The following PLPPR1 variants were observed in gnomAD, a reference collection of about 807,000 sequenced individuals.
The protein encoded by PLPPR1 is phospholipid phosphatase related 1.
In PLPPR1, 10 loss-of-function variants were observed where a neutral mutation model predicts 33.1. The observed-to-expected ratio is 0.30, with a 90% CI of 0.19 to 0.51. PLPPR1 has a LOEUF of 0.51. Ranked by LOEUF, PLPPR1 falls within the 20% of genes least tolerant of loss-of-function variation. The probability of loss-of-function intolerance (pLI) is 0.97; values close to 1 mark genes in which losing one functional copy is unlikely to be tolerated. For missense variants in PLPPR1, 304 were observed against 408.1 expected (o/e 0.74, Z 2.20); for synonymous variants, 151 against 151.0 (o/e 1.00, Z 0.00).
intron 2 of PLPPR1, among the ~76,000 whole-genome samples, chr9:101,230,381 A>T (rs190963752): frequency 2.0e-5 from 3 of 152,164 alleles, no homozygotes; most frequent in Non-Finnish European, 4.4e-5. Context: ...CCGTAAGGGC[A>T]TAAACCCTGG....
intron 2 of PLPPR1, among the ~76,000 whole-genome samples, chr9:101,209,632 GT>G (rs1377117336): frequency 6.6e-6 from 1 of 152,146 alleles, no homozygotes; most frequent in Admixed American, 6.5e-5. Context: ...GATGAATAGG[GT>G]AAAACCTGCA....
At chr9:101,243,592 GAGGAGCCTTC>G (rs763695751) in intron 2 of PLPPR1, among the ~76,000 whole-genome samples, 172 of 152,138 alleles carry the variant, frequency 1.1e-3, no homozygotes, top group Non-Finnish European at 1.6e-3. Context: ...AGTACTGTGA[GAGGAGCCTTC>G]AGGAGGTGGA....
chr9:101,272,203 G>C (rs1308150710), intron 3 of PLPPR1, among the ~76,000 whole-genome samples: 2 of 152,086 alleles, frequency 1.3e-5, no homozygotes, highest in Non-Finnish European at 2.9e-5. Context: ...CTGAATATAT[G>C]AATGCCAACA....
Position 101,222,777 on chromosome 9 carries a change from C to T in PLPPR1, c.63+37220C>T, listed in dbSNP as rs141900156. ...TGTTGGTGTACAATAGTGTCGGTCA[C>T]GACATTCTAAAAATAGAATTTGTGT... On this transcript the variant is annotated intron_variant, in intron 2 of 7. Coordinates refer to ENST00000374874, the MANE Select transcript of PLPPR1 (RefSeq NM_207299.2). Among the ~76,000 whole-genome samples, 684 of 152,150 alleles carry T rather than the reference C, an allele frequency of 4.5e-3. 5 individuals carry two copies. Among genetic ancestry groups the T allele is most frequent in the African/African-American group, 0.016 (668 of 41,526 alleles).
At chr9:101,140,706 TA>T (rs1468571985) in intron 1 of PLPPR1, among the ~76,000 whole-genome samples, 6 of 152,162 alleles carry the variant, frequency 3.9e-5, no homozygotes, top group African/African-American at 1.4e-4. Flanking sequence ...GATAAAAAGA[TA>T]ATAACCAATT....
intron 1 of PLPPR1, among the ~76,000 whole-genome samples, chr9:101,180,139 TATATACACACACAC>T (rs1564167609): frequency 5.0e-3 from 185 of 37,350 alleles, no homozygotes; most frequent in Non-Finnish European, 6.5e-3. Context: ...TATATATATA[TATATACACACACAC>T]ACACACACAT....
At position 101,078,178 on chromosome 9, in the gene PLPPR1, A is replaced by G. The variant is rs868856225; in HGVS notation, c.-46+49076A>G. Among the ~76,000 whole-genome samples, 29 of 20,762 alleles carry G rather than the reference A, an allele frequency of 1.4e-3. 1 individual carries two copies. Among genetic ancestry groups the G allele is most frequent in the African/African-American group, 6.2e-3 (27 of 4,362 alleles). 13.6% of individuals were successfully genotyped at this position (20,762 alleles called of 152,430 possible). A position where few individuals can be genotyped will look rare whatever the true frequency, so the allele number is the denominator to read the frequency against. ...AAGAAGAAGAAGAAGAAGAAGAAGA[A>G]GAAGAAGAGGAGGGGGGGAGGGGGA... On this transcript the variant is annotated intron_variant, in intron 1 of 7. Coordinates refer to ENST00000374874, the MANE Select transcript of PLPPR1 (RefSeq NM_207299.2).
chr9:101,064,433 A>G (rs1227391144), intron 1 of PLPPR1, among the ~76,000 whole-genome samples: 1 of 152,106 alleles, frequency 6.6e-6, no homozygotes, highest in Non-Finnish European at 1.5e-5. Context: ...GTTATGGTCA[A>G]ATATTTGCTG....
At chr9:101,128,813 T>G (rs1307068481) in intron 1 of PLPPR1, among the ~76,000 whole-genome samples, 1 of 152,040 alleles carries the variant, frequency 6.6e-6, no homozygotes, top group Non-Finnish European at 1.5e-5. Flanking sequence ...AATAGAGAGG[T>G]TAAAATGTGT....
At chr9:101,048,773 A>G (rs778050093) in intron 1 of PLPPR1, among the ~76,000 whole-genome samples, 1 of 152,232 alleles carries the variant, frequency 6.6e-6, no homozygotes, top group Non-Finnish European at 1.5e-5. Context: ...ATTCAGAGCC[A>G]TCTTCTACAG....
intron 2 of PLPPR1, among the ~76,000 whole-genome samples, chr9:101,186,746 G>A (rs529239813): frequency 6.6e-6 from 1 of 151,802 alleles, no homozygotes; most frequent in Non-Finnish European, 1.5e-5. Context: ...TATAGACATT[G>A]CTTGGTACTT....
intron 4 of PLPPR1, among the ~76,000 whole-genome samples, chr9:101,295,764 A>G (rs967058254): frequency 2.0e-5 from 3 of 152,078 alleles, no homozygotes; most frequent in Admixed American, 1.3e-4. Flanking sequence ...GAAAGCTGAA[A>G]CTGGATCCCT....
chr9:101,240,638 CT>C (rs1827445007), intron 2 of PLPPR1, among the ~76,000 whole-genome samples: 1 of 152,030 alleles, frequency 6.6e-6, no homozygotes, highest in South Asian at 2.1e-4. Flanking sequence ...CTCACGGTTC[CT>C]TCATAAATGC....
intron 1 of PLPPR1, among the ~76,000 whole-genome samples, chr9:101,136,258 G>A (rs1831375955): frequency 6.6e-6 from 1 of 152,148 alleles, no homozygotes; most frequent in Non-Finnish European, 1.5e-5. Context: ...CTTGTATGTT[G>A]CAAATTGCTC....
intron 2 of PLPPR1, among the ~76,000 whole-genome samples, chr9:101,200,746 AC>A (rs1267327152): frequency 6.6e-6 from 1 of 152,202 alleles, no homozygotes; most frequent in Non-Finnish European, 1.5e-5. Context: ...AAACCCTGCA[AC>A]TTTTCCTTGA....
intron 2 of PLPPR1, among the ~76,000 whole-genome samples, chr9:101,242,004 A>C (rs1042307108): frequency 8.5e-5 from 13 of 152,184 alleles, no homozygotes; most frequent in Non-Finnish European, 1.6e-4. Context: ...GCTCTTGCTT[A>C]GGCTTTTCAT....
At chr9:101,323,799 A>G (rs550946678) in intron 7 of PLPPR1, among the ~76,000 whole-genome samples, 10 of 151,726 alleles carry the variant, frequency 6.6e-5, no homozygotes, top group Non-Finnish European at 1.2e-4. Context: ...AGATTGCACC[A>G]TTGCACTCCA....
chr9:101,244,093 AAAT>A (rs1268940638), intron 2 of PLPPR1, among the ~76,000 whole-genome samples: 1 of 151,944 alleles, frequency 6.6e-6, no homozygotes, highest in Non-Finnish European at 1.5e-5. Flanking sequence ...CAGGAGTGTC[AAAT>A]GCTGCAGAGA....
intron 1 of PLPPR1, among the ~76,000 whole-genome samples, chr9:101,048,766 CAGAG>C (rs1830182634): frequency 6.6e-6 from 1 of 152,208 alleles, no homozygotes; most frequent in African/African-American, 2.4e-5. Context: ...AATCTGCATT[CAGAG>C]CCATCTTCTA....
Sources: allele counts gnomAD v4.1 joint callset (sites outside exome capture counted in the v4.1 genomes callset), GRCh38; gene constraint gnomAD v4.1.1; transcripts MANE v1.5; gene names NCBI Gene and HGNC (gene_info 2026-07-23, HGNC 2026-07-21).